The following HPSE2 variants were observed in gnomAD, a reference collection of about 807,000 sequenced individuals.
HPSE2 encodes inactive heparanase-2.
In HPSE2, 38 loss-of-function variants were observed where a neutral mutation model predicts 60.5. That is an observed-to-expected ratio of 0.63 (90% CI 0.48 to 0.82). The LOEUF is 0.82. HPSE2 is among the 40% of genes least tolerant of loss of function. The probability of loss-of-function intolerance (pLI) is 0.00; values close to 1 mark genes in which losing one functional copy is unlikely to be tolerated. For synonymous variants in HPSE2, 295 were observed against 293.2 expected (o/e 1.01, Z -0.06); for missense variants, 713 against 740.4 (o/e 0.96, Z 0.43).
chr10:98,715,235 G>A (rs1948763045), intron 5 of HPSE2, among the ~76,000 whole-genome samples: 1 of 151,764 alleles, frequency 6.6e-6, no homozygotes, highest in African/African-American at 2.4e-5. Context: ...TTTGCCTTTA[G>A]TGTTGTATCT....
chr10:98,789,729 C>CT (rs1335533357), intron 3 of HPSE2, among the ~76,000 whole-genome samples: 2 of 152,086 alleles, frequency 1.3e-5, no homozygotes, highest in East Asian at 1.9e-4. Flanking sequence ...ATGGCAAGTA[C>CT]TTTTTTTAAG....
At chr10:99,047,498 T>C (rs1216150970) in intron 3 of HPSE2, 2 of 390,010 alleles carry the variant, frequency 5.1e-6, no homozygotes, top group Non-Finnish European at 9.1e-6. Flanking sequence ...GAAGAGCTTC[T>C]GCACAGCAAA....
intron 3 of HPSE2, among the ~76,000 whole-genome samples, chr10:98,851,408 C>T (rs1952171274): frequency 6.6e-6 from 1 of 152,198 alleles, no homozygotes; most frequent in African/African-American, 2.4e-5. Flanking sequence ...AAAGATTTCA[C>T]ATTTTTGTTC....
chr10:99,233,031 A>G (rs1849716690), intron 1 of HPSE2, among the ~76,000 whole-genome samples: 1 of 152,260 alleles, frequency 6.6e-6, no homozygotes, highest in Non-Finnish European at 1.5e-5. Flanking sequence ...TTTCTCTCAG[A>G]CCAGGCCCGG....
intron 3 of HPSE2, among the ~76,000 whole-genome samples, chr10:99,023,764 C>A (rs554899871): frequency 6.6e-6 from 1 of 152,168 alleles, no homozygotes; most frequent in Admixed American, 6.5e-5. Flanking sequence ...TATGAGTCAA[C>A]AAGAACCACA....
At chr10:98,918,578 G>A (rs1291740937) in intron 3 of HPSE2, among the ~76,000 whole-genome samples, 2 of 147,428 alleles carry the variant, frequency 1.4e-5, no homozygotes, top group African/African-American at 2.5e-5. Flanking sequence ...CTATCGCAAG[G>A]ACAAAAAACC....
chr10:98,851,519 A>G (rs560201802), intron 3 of HPSE2, among the ~76,000 whole-genome samples: 1 of 152,264 alleles, frequency 6.6e-6, no homozygotes, highest in South Asian at 2.1e-4. Context: ...TCTTCTTTCT[A>G]CAAAGAGCAA....
chr10:99,114,959 T>A (rs1188718519), intron 3 of HPSE2, among the ~76,000 whole-genome samples: 1 of 149,900 alleles, frequency 6.7e-6, no homozygotes, highest in African/African-American at 2.5e-5. Flanking sequence ...TAAAAATATA[T>A]ATCCTTTAGT....
chr10:99,001,119 A>G (rs1214383370), intron 3 of HPSE2, among the ~76,000 whole-genome samples: 1 of 152,080 alleles, frequency 6.6e-6, no homozygotes, highest in Non-Finnish European at 1.5e-5. Flanking sequence ...ATCACCCTCT[A>G]TTGACAACTT....
chr10:99,285,130 AT>A, the HPSE2 span, among the ~76,000 whole-genome samples: 15 of 152,114 alleles, frequency 9.9e-5, no homozygotes, highest in African/African-American at 3.4e-4. Flanking sequence ...GCCCATTTAA[AT>A]TTTTTAAATG....
At chr10:99,102,178 T>G (rs11511277) in intron 3 of HPSE2, among the ~76,000 whole-genome samples, 74,116 of 151,314 alleles carry the variant, frequency 0.49, 20,519 homozygotes, top group East Asian at 0.65. Flanking sequence ...CTTCAAAAAA[T>G]TAATGAATCC....
chr10:98,902,711 T>C (rs947338785), intron 3 of HPSE2, among the ~76,000 whole-genome samples: 13 of 152,168 alleles, frequency 8.5e-5, no homozygotes, highest in Non-Finnish European at 7.4e-5. Context: ...ATGCAAACTT[T>C]ATGTGAAAAT....
In HPSE2 at chr10:98,996,121, T is replaced by TA. The variant is rs1378659788; in HGVS notation, c.610+148116dup. On this transcript the variant is annotated intron_variant, in intron 3 of 11. Coordinates refer to ENST00000370552, the MANE Select transcript of HPSE2 (RefSeq NM_021828.5). ...TTGGTAAAAACTAAGGAAACTTAAA[T>TA]AAAATCTACAGATTGGTTAATGATA... 3.3e-5 allele frequency among the ~76,000 whole-genome samples: 5 copies of TA among 152,148 alleles called. No individual in the cohort carries two copies. The East Asian group carries it at 9.6e-4, about 29-fold the overall frequency.
intron 3 of HPSE2, among the ~76,000 whole-genome samples, chr10:98,981,654 A>G (rs1346642169): frequency 3.9e-5 from 6 of 152,084 alleles, no homozygotes; most frequent in African/African-American, 1.4e-4. Flanking sequence ...AGAAATTGAT[A>G]TCTCTTCTAG....
intron 6 of HPSE2, among the ~76,000 whole-genome samples, chr10:98,659,489 G>A (rs1947167314): frequency 6.6e-6 from 1 of 152,122 alleles, no homozygotes; most frequent in Non-Finnish European, 1.5e-5. Context: ...ATTGTACCAT[G>A]TATCAGTATT....
At chr10:98,794,283 G>A (rs568928363) in intron 3 of HPSE2, among the ~76,000 whole-genome samples, 8 of 147,454 alleles carry the variant, frequency 5.4e-5, no homozygotes, top group South Asian at 4.3e-4. Context: ...CTCTGTCACC[G>A]AGGCTAGAAT....
intron 2 of HPSE2, among the ~76,000 whole-genome samples, chr10:99,169,399 G>A (rs1208139905): frequency 1.3e-5 from 2 of 150,574 alleles, no homozygotes; most frequent in Non-Finnish European, 3.0e-5. Flanking sequence ...CAGCTACTCA[G>A]GAAGGTGAGG....
chr10:99,088,296 G>C (rs991309932), intron 3 of HPSE2, among the ~76,000 whole-genome samples: 12 of 151,910 alleles, frequency 7.9e-5, no homozygotes, highest in Admixed American at 7.9e-4. Context: ...TGAGATTTTT[G>C]GTGCCCCCAT....
chr10:98,759,807 T>C (rs1396563833), intron 3 of HPSE2, among the ~76,000 whole-genome samples: 3 of 152,146 alleles, frequency 2.0e-5, no homozygotes, highest in African/African-American at 4.8e-5. Context: ...AATTTTAGAA[T>C]TGTTTTACTA....
Sources: gnomAD v4.1 joint callset for allele counts (sites outside exome capture counted in the v4.1 genomes callset) on GRCh38, gnomAD v4.1.1 for gene constraint, MANE v1.5 for transcripts, NCBI Gene and HGNC (gene_info 2026-07-23, HGNC 2026-07-21) for gene names.